The following ADGRB3 variants were observed in gnomAD, a reference collection of about 807,000 sequenced individuals.
The protein encoded by ADGRB3 is brain-specific angiogenesis inhibitor 3.
A neutral mutation model predicts 193.4 loss-of-function variants in ADGRB3; 37 were observed. That is an observed-to-expected ratio of 0.19 (90% CI 0.15 to 0.25). The LOEUF (loss-of-function observed/expected upper bound fraction) is 0.25. Among genes scored for constraint, ADGRB3 ranks in the 10% least tolerant of loss-of-function variants. The pLI is 1.00. For synonymous variants in ADGRB3, 690 were observed against 644.2 expected, an observed-to-expected ratio of 1.07 and a Z score of -1.08; for missense variants, 1,637 against 1,852.9, an observed-to-expected ratio of 0.88 and a Z score of 2.14.
chr6:69,334,932 G>T (rs1289927658), intron 24 of ADGRB3, among the ~76,000 whole-genome samples: 2 of 152,030 alleles, frequency 1.3e-5, no homozygotes, highest in Non-Finnish European at 2.9e-5. Context: ...TGTGTATAAA[G>T]CACACTTTAG....
intron 3 of ADGRB3, among the ~76,000 whole-genome samples, chr6:68,827,820 A>T (rs921285943): frequency 3.9e-5 from 6 of 152,248 alleles, no homozygotes; most frequent in African/African-American, 1.4e-4. Context: ...TCTATGGCTG[A>T]GCCACAGTGG....
chr6:69,017,261 C>T (rs935579047), intron 12 of ADGRB3, among the ~76,000 whole-genome samples: 2 of 151,888 alleles, frequency 1.3e-5, no homozygotes, highest in African/African-American at 2.4e-5. Flanking sequence ...TCAGCTCTGA[C>T]TATATGCTTT....
At position 69,369,120 on chromosome 6, in the gene ADGRB3, G is replaced by GA. The variant is rs541790099; in HGVS notation, c.4240-3281dup. 1.9e-3 allele frequency among the ~76,000 whole-genome samples: 295 copies of GA among 152,188 alleles called. 1 individual carries two copies. The highest frequency in any genetic ancestry group is 3.3e-3 in the Non-Finnish European group (226 of 67,986). On this transcript the variant is annotated intron_variant, in intron 29 of 31. Transcript: ENST00000370598. ...ATTTTTAAAAGTTATCAGATTATCA[G>GA]AAAAATTGTTATGGCTTGACCACTT...
rs555632940 is a variant in ADGRB3 at position 68,897,279 on chromosome 6, G to C, written c.758-33280G>C. Among the ~76,000 whole-genome samples the C allele has an allele frequency of 1.7e-4, 26 of 151,742 alleles. 1 individual carries two copies. The South Asian group carries it at 5.0e-3, about 29-fold the overall frequency. ...GGAAGTCAAGGCAGGCAGATTACTT[G>C]AGCCCAGGAATTCAAGGCTGCAGTG... On this transcript the variant is annotated intron_variant, in intron 3 of 31. Transcript: ENST00000370598.
intron 3 of ADGRB3, among the ~76,000 whole-genome samples, chr6:68,910,779 ACCAGTACCAT>A (rs1766681585): frequency 6.6e-6 from 1 of 152,162 alleles, no homozygotes; most frequent in Admixed American, 6.5e-5. Flanking sequence ...CTGTTTTGGT[ACCAGTACCAT>A]GCTGTTTTGG....
At chr6:68,812,877 A>G (rs1249047247) in intron 3 of ADGRB3, among the ~76,000 whole-genome samples, 5 of 132,076 alleles carry the variant, frequency 3.8e-5, no homozygotes, top group Non-Finnish European at 3.1e-5. Flanking sequence ...CCCTGTGTCC[A>G]TGTGTTCTCA....
chr6:68,969,759 T>C (rs748824381), intron 8 of ADGRB3, among the ~76,000 whole-genome samples: 1 of 152,200 alleles, frequency 6.6e-6, no homozygotes, highest in Non-Finnish European at 1.5e-5. Context: ...CCAATTTTTC[T>C]CATCTTTAGT....
chr6:69,047,942 C>T (rs1203978491), intron 13 of ADGRB3, among the ~76,000 whole-genome samples: 1 of 152,116 alleles, frequency 6.6e-6, no homozygotes, highest in Non-Finnish European at 1.5e-5. Flanking sequence ...ATATCCACTC[C>T]ATTATTGACC....
intron 17 of ADGRB3, among the ~76,000 whole-genome samples, chr6:69,115,696 G>T (rs1582472018): frequency 6.6e-6 from 1 of 152,324 alleles, no homozygotes; most frequent in African/African-American, 2.4e-5. Context: ...CAGCCATGGA[G>T]ATGTGCCACT....
At chr6:69,267,038 T>G (rs1339360557) in intron 20 of ADGRB3, among the ~76,000 whole-genome samples, 1 of 152,038 alleles carries the variant, frequency 6.6e-6, no homozygotes, top group Admixed American at 6.6e-5. Context: ...TCTGTAATAG[T>G]TTTTATTAGG....
chr6:69,016,646 G>C (rs1770100393), intron 12 of ADGRB3, among the ~76,000 whole-genome samples: 1 of 151,914 alleles, frequency 6.6e-6, no homozygotes, highest in South Asian at 2.1e-4. Flanking sequence ...CAGAAACTGA[G>C]AAAGAGGAGC....
At chr6:68,776,371 G>A (rs778533676) in intron 3 of ADGRB3, among the ~76,000 whole-genome samples, 1 of 152,168 alleles carries the variant, frequency 6.6e-6, no homozygotes. Context: ...ATAGAATAAA[G>A]TTTCATATGC....
chr6:69,373,637 A>G (rs547581043), intron 30 of ADGRB3, among the ~76,000 whole-genome samples: 13 of 152,088 alleles, frequency 8.5e-5, no homozygotes, highest in South Asian at 4.1e-4. Flanking sequence ...ATATTCAGCA[A>G]TCTTTGCCTT....
intron 3 of ADGRB3, among the ~76,000 whole-genome samples, chr6:68,908,004 A>G (rs1256629265): frequency 1.3e-5 from 2 of 151,878 alleles, no homozygotes; most frequent in African/African-American, 4.8e-5. Flanking sequence ...ACAATGAAAT[A>G]TTTCTCCTGT....
Position 69,330,509 on chromosome 6 carries a change from C to T in ADGRB3, c.3039C>T (p.Cys1013=). 1 of 1,602,704 alleles carries T rather than the reference C, an allele frequency of 6.2e-7. No homozygotes were observed. Residue 1013 remains cysteine (C), a synonymous_variant, in exon 23 of 32, where the codon TGC becomes TGT. Transcript: ENST00000370598. The part of the protein sequence containing the change: ...RTKGYGTDHY[C]WLSLEGGLLY... ...TCTTATCTAATGTCATTTTCAGCTG[C>T]TGGCTCTCTCTTGAAGGAGGACTAC...
intron 20 of ADGRB3, among the ~76,000 whole-genome samples, chr6:69,276,989 C>CTT (rs1213850205): frequency 1.4e-5 from 2 of 141,518 alleles, no homozygotes; most frequent in African/African-American, 5.2e-5. Flanking sequence ...TATAGTCTTT[C>CTT]TTTTTTTTTT....
intron 3 of ADGRB3, among the ~76,000 whole-genome samples, chr6:68,781,964 C>CT (rs747415241): frequency 2.6e-5 from 4 of 151,640 alleles, no homozygotes; most frequent in African/African-American, 4.8e-5. Context: ...CAGGTATACT[C>CT]TTTTTTTTAT....
intron 17 of ADGRB3, among the ~76,000 whole-genome samples, chr6:69,108,333 A>G (rs1763819247): frequency 6.6e-6 from 1 of 152,014 alleles, no homozygotes; most frequent in Non-Finnish European, 1.5e-5. Context: ...ATGGAATCAA[A>G]TAAACTTGAA....
intron 20 of ADGRB3, among the ~76,000 whole-genome samples, chr6:69,302,336 G>A (rs1359124216): frequency 1.3e-5 from 2 of 151,946 alleles, no homozygotes; most frequent in Non-Finnish European, 2.9e-5. Flanking sequence ...AACACCAGCT[G>A]CCGGTCTTTT....
Sources: allele counts gnomAD v4.1 joint callset (sites outside exome capture counted in the v4.1 genomes callset), GRCh38; gene constraint gnomAD v4.1.1; transcripts MANE v1.5; gene names NCBI Gene and HGNC (gene_info 2026-07-23, HGNC 2026-07-21).